The following ZNF385B variants were observed in gnomAD, a reference collection of about 807,000 sequenced individuals.
ZNF385B encodes the protein zinc finger protein 533.
Under a neutral mutation model 39.2 loss-of-function variants are expected in ZNF385B, and 23 were observed. The observed-to-expected ratio is 0.59, with a 90% confidence interval of 0.42 to 0.83. ZNF385B has a LOEUF of 0.83. Among genes scored for constraint, ZNF385B ranks in the 40% least tolerant of loss-of-function variants. ZNF385B has a pLI of 0.00. For synonymous variants in ZNF385B, 205 were observed against 222.6 expected (o/e 0.92, Z 0.70); for missense variants, 552 against 598.9 (o/e 0.92, Z 0.82).
rs1378375798 is a variant in ZNF385B, at chr2:179,524,554, A to AAAAAAG, written c.442-5917_442-5916insCTTTTT. On this transcript the variant is annotated intron_variant, in intron 4 of 9. Coordinates refer to ENST00000410066, the MANE Select transcript of ZNF385B (RefSeq NM_152520.6). The stretch of plus-strand genomic sequence containing the variant: ...GTGACAGAGCGAGACTCCGTCTCAA[A>AAAAAAG]AAAAAAAAAAAAAAAAAAAAAAAAA... Among the ~76,000 whole-genome samples the AAAAAAG allele has an allele frequency of 2.7e-3, 25 of 9,314 alleles. 2 individuals are homozygous for AAAAAAG. The highest frequency in any genetic ancestry group is 0.012 in the South Asian group (3 of 252). The allele number at this position is 9,314 out of a possible 152,430, so 6.1% of individuals were successfully genotyped here.
chr2:179,706,260 T>G (rs760620827), intron 3 of ZNF385B, among the ~76,000 whole-genome samples: 2 of 152,144 alleles, frequency 1.3e-5, no homozygotes, highest in Non-Finnish European at 2.9e-5. Context: ...AGGGAGAGGA[T>G]GCTAAGTGAA....
At chr2:179,444,448 C>T (rs1287134878) in intron 9 of ZNF385B, among the ~76,000 whole-genome samples, 1 of 152,174 alleles carries the variant, frequency 6.6e-6, no homozygotes, top group East Asian at 1.9e-4. Context: ...GATACAGACA[C>T]CGCTTTACCT....
chr2:179,846,585 C>T (rs1281993613), intron 1 of ZNF385B, among the ~76,000 whole-genome samples: 2 of 152,218 alleles, frequency 1.3e-5, no homozygotes, highest in Admixed American at 1.3e-4. Context: ...GTACCTCAGG[C>T]ATGCTTCCCC....
intron 3 of ZNF385B, among the ~76,000 whole-genome samples, chr2:179,704,200 T>C (rs569877710): frequency 6.6e-6 from 1 of 152,330 alleles, no homozygotes; most frequent in East Asian, 1.9e-4. Flanking sequence ...ACTGTTGGCT[T>C]TAAAAATGAT....
At chr2:179,829,506 G>T (rs1286698538) in intron 1 of ZNF385B, among the ~76,000 whole-genome samples, 1 of 151,932 alleles carries the variant, frequency 6.6e-6, no homozygotes, top group Non-Finnish European at 1.5e-5. Flanking sequence ...CTTGGGTTTG[G>T]ATATGACTTT....
At chr2:179,603,507 C>A (rs573939272) in intron 3 of ZNF385B, among the ~76,000 whole-genome samples, 8 of 152,114 alleles carry the variant, frequency 5.3e-5, no homozygotes, top group Non-Finnish European at 1.0e-4. Context: ...GACAATGACC[C>A]AGGATCTTTA....
At chr2:179,556,998 G>A (rs572404859) in intron 3 of ZNF385B, among the ~76,000 whole-genome samples, 1 of 149,268 alleles carries the variant, frequency 6.7e-6, no homozygotes, top group African/African-American at 2.5e-5. Context: ...CCTAGGAAAA[G>A]TGTAACAATG....
At chr2:179,678,068 T>C (rs1697096500) in intron 3 of ZNF385B, among the ~76,000 whole-genome samples, 1 of 152,188 alleles carries the variant, frequency 6.6e-6, no homozygotes. Flanking sequence ...AAGAGTGACT[T>C]CATTGTTAAA....
At chr2:179,781,707 C>A (rs1704674841) in intron 1 of ZNF385B, among the ~76,000 whole-genome samples, 1 of 152,022 alleles carries the variant, frequency 6.6e-6, no homozygotes, top group Non-Finnish European at 1.5e-5. Context: ...TCTATATACA[C>A]AAAGTAGAAA....
intron 3 of ZNF385B, among the ~76,000 whole-genome samples, chr2:179,687,530 TA>T (rs1698015652): frequency 6.6e-6 from 1 of 152,140 alleles, no homozygotes; most frequent in Non-Finnish European, 1.5e-5. Flanking sequence ...CTCTTAAAAA[TA>T]TCCCCCAACC....
At chr2:179,833,046 TACAGAG>T (rs1294332783) in intron 1 of ZNF385B, among the ~76,000 whole-genome samples, 3 of 152,192 alleles carry the variant, frequency 2.0e-5, no homozygotes, top group African/African-American at 4.8e-5. Context: ...GTCCTTATTA[TACAGAG>T]ACAAAGTATC....
At chr2:179,649,442 C>A (rs73976029) in intron 3 of ZNF385B, among the ~76,000 whole-genome samples, 1 of 152,058 alleles carries the variant, frequency 6.6e-6, no homozygotes, top group South Asian at 2.1e-4. Flanking sequence ...CATACCACAG[C>A]GCTCCAGGGT....
intron 3 of ZNF385B, among the ~76,000 whole-genome samples, chr2:179,625,060 A>G (rs947648615): frequency 2.0e-5 from 3 of 152,200 alleles, no homozygotes; most frequent in African/African-American, 7.2e-5. Flanking sequence ...AGTCTTCAGC[A>G]TTTACAGAGG....
chr2:179,745,286 TCTC>T (rs1702312356), intron 3 of ZNF385B, among the ~76,000 whole-genome samples: 1 of 152,158 alleles, frequency 6.6e-6, no homozygotes, highest in Non-Finnish European at 1.5e-5. Flanking sequence ...ACATGACTTG[TCTC>T]CTCCTATCTG....
intron 1 of ZNF385B, among the ~76,000 whole-genome samples, chr2:179,792,854 G>A (rs1306322565): frequency 1.3e-5 from 2 of 152,312 alleles, no homozygotes; most frequent in African/African-American, 4.8e-5. Context: ...AAGAACATGA[G>A]TACATATCCT....
rs377051209 is a variant in ZNF385B at position 179,663,698 on chromosome 2, A to G, written c.298+105805T>C. ...GCATTCCATCCAGCCTGGGCGACAGAGCGAGACTCCGTCTCAAAAAAAAAA... is the reference window on the plus strand; with the variant it reads ...GCATTCCATCCAGCCTGGGCGACAGGGCGAGACTCCGTCTCAAAAAAAAAA... On this transcript the variant is annotated intron_variant, in intron 3 of 9. Coordinates refer to ENST00000410066, the MANE Select transcript of ZNF385B (RefSeq NM_152520.6). Among the ~76,000 whole-genome samples the G allele has an allele frequency of 5.1e-3, 683 of 133,118 alleles. 4 individuals carry two copies. The highest frequency in any genetic ancestry group is 0.018 in the African/African-American group (626 of 34,774). The allele number at this position is 133,118 out of a possible 152,430, so 87.3% of individuals were successfully genotyped here. A position where few individuals can be genotyped will look rare whatever the true frequency, so the allele number is the denominator to read the frequency against.
intron 3 of ZNF385B, among the ~76,000 whole-genome samples, chr2:179,643,596 C>T (rs182502546): frequency 6.6e-5 from 10 of 152,090 alleles, no homozygotes; most frequent in African/African-American, 2.4e-4. Context: ...TTGTGCTGAG[C>T]AAAAGAGGCC....
chr2:179,681,695 G>A (rs1697529371), intron 3 of ZNF385B, among the ~76,000 whole-genome samples: 1 of 152,070 alleles, frequency 6.6e-6, no homozygotes, highest in South Asian at 2.1e-4. Context: ...TACATTATTA[G>A]AAAAAATAAT....
At chr2:179,711,388 GCTC>G (rs1699986415) in intron 3 of ZNF385B, among the ~76,000 whole-genome samples, 2 of 152,116 alleles carry the variant, frequency 1.3e-5, no homozygotes, top group Admixed American at 1.3e-4. Flanking sequence ...TGACTGCAAT[GCTC>G]CTCTTTATAT....
Sources: gnomAD v4.1 joint callset for allele counts (sites outside exome capture counted in the v4.1 genomes callset) on GRCh38, gnomAD v4.1.1 for gene constraint, MANE v1.5 for transcripts, NCBI Gene and HGNC (gene_info 2026-07-23, HGNC 2026-07-21) for gene names.